Variants in CNGB1 observed in about 807,000 individuals in gnomAD.
CNGB1 encodes cyclic nucleotide-gated channel beta-1.
Under a neutral mutation model 151.7 loss-of-function variants are expected in CNGB1, and 126 were observed. That is an observed-to-expected ratio of 0.83 (90% confidence interval 0.72 to 0.96). The LOEUF is 0.96. CNGB1 is among the 40% of genes least tolerant of loss of function. The pLI, the probability that CNGB1 is intolerant of heterozygous loss-of-function variation, is 0.00. For synonymous variants in CNGB1, 623 were observed against 635.1 expected (o/e 0.98, Z 0.29); for missense variants, 1,698 against 1,627.0 (o/e 1.04, Z -0.75).
chr16:57,934,699 G>GT (rs1264881169), intron 16 of CNGB1, among the ~76,000 whole-genome samples: 1 of 152,044 alleles, frequency 6.6e-6, no homozygotes, highest in East Asian at 1.9e-4. Context: ...GCTCACGCCT[G>GT]TAATTCCAGC....
intron 32 of CNGB1, among the ~76,000 whole-genome samples, chr16:57,885,446 C>CCCACCCTCCCCTGT (rs1959890026): frequency 6.6e-6 from 1 of 151,594 alleles, no homozygotes; most frequent in South Asian, 2.1e-4. Flanking sequence ...GTGCCCCTGT[C>CCCACCCTCCCCTGT]CCACCCTCCC....
In CNGB1 at chr16:57,903,870, G is replaced by A. The variant is rs764194863; in HGVS notation, c.2746C>T (p.Arg916Cys). The A allele has an allele frequency of 1.9e-5, 30 of 1,614,156 alleles. No individual in the cohort carries two copies. Among genetic ancestry groups the A allele is most frequent in the South Asian group, 2.2e-5 (2 of 91,086 alleles). Residue 916 changes from arginine (R) to cysteine (C), a missense_variant, in exon 27 of 33, where the codon CGC becomes TGC. Physicochemically the swap from Arg to Cys is radical, Grantham distance 180. Coordinates refer to ENST00000251102, the MANE Select transcript of CNGB1 (RefSeq NM_001297.5). Reference protein sequence around the residue: ...FYKIPKSVQNRVKTWYEYTWH... With the variant: ...FYKIPKSVQNCVKTWYEYTWH... ...GTGTACTCGTACCAGGTCTTGACGC[G>A]GTTCTGCACGGACTTGGGGATCTTG...
At chr16:57,947,204 G>A (rs577063414) in intron 14 of CNGB1, among the ~76,000 whole-genome samples, 3 of 152,356 alleles carry the variant, frequency 2.0e-5, no homozygotes, top group East Asian at 3.8e-4. Context: ...GAGAACATGT[G>A]TATAGTTAGT....
intron 16 of CNGB1, among the ~76,000 whole-genome samples, chr16:57,934,150 G>GA (rs1489883703): frequency 2.0e-5 from 3 of 151,564 alleles, no homozygotes; most frequent in African/African-American, 7.3e-5. Context: ...CAGGAATGGA[G>GA]AAGTTGTTAA....
chr16:57,954,856 C>T (rs1962043994), intron 12 of CNGB1: 2 of 1,000,414 alleles, frequency 2.0e-6, no homozygotes, highest in Non-Finnish European at 2.4e-6. Flanking sequence ...GTGCACGCGT[C>T]CTCTCAAAGA....
chr16:57,917,230 GC>G, intron 21 of CNGB1, 37 bp downstream of exon 21: 1 of 1,571,792 alleles, frequency 6.4e-7, no homozygotes, highest in South Asian at 1.1e-5. Context: ...TGAGCGGTCT[GC>G]CCCCGGTCAC....
Position 57,957,218 on chromosome 16 carries a change from TG to T in CNGB1, c.874+122del, listed in dbSNP as rs1306255890. On this transcript the variant is annotated intron_variant, in intron 12 of 32. Transcript: ENST00000251102. ...CAGCTCCAGCCCAGGAGACCCTAAC[TG>T]CCCCCCTGTGTGAGTCCAGGTCTGG... The T allele has an allele frequency of 3.1e-3, 2,463 of 797,352 alleles. 43 individuals carry two copies. In the African/African-American group the frequency reaches 0.071, roughly 23 times the overall value. The allele number at this position is 797,352 out of a possible 1,614,324, so 49.4% of individuals were successfully genotyped here.
In CNGB1 at chr16:57,885,543, TTCTTTCCTTCCTTC is replaced by T. The variant is rs1457469917; in HGVS notation, c.3463-1100_3463-1087del. ...CTTCCTTTTTTCCTTCCTTCCTTCC[TTCTTTCCTTCCTTC>T]CTCTCTCTCTCTCTCTCTCTCTTTC... is the stretch of plus-strand genomic sequence containing the variant. On this transcript the variant is annotated intron_variant, in intron 32 of 32. Coordinates refer to ENST00000251102, the MANE Select transcript of CNGB1 (RefSeq NM_001297.5). Among the ~76,000 whole-genome samples the T allele has an allele frequency of 1.9e-3, 274 of 143,582 alleles. 1 individual carries two copies. The highest frequency in any genetic ancestry group is 6.3e-3 in the African/African-American group (245 of 38,844). The allele number at this position is 143,582 out of a possible 152,430, so 94.2% of individuals were successfully genotyped here.
At chr16:57,928,108 C>G (rs1179118939) in intron 17 of CNGB1, among the ~76,000 whole-genome samples, 3 of 152,236 alleles carry the variant, frequency 2.0e-5, no homozygotes, top group African/African-American at 7.2e-5. Flanking sequence ...TTACAGACAG[C>G]CTCCCTTAGC....
intron 7 of CNGB1, among the ~76,000 whole-genome samples, 158 bp from the exon 8 acceptor site, chr16:57,961,073 C>T (rs570188348): frequency 4.6e-5 from 7 of 152,220 alleles, no homozygotes; most frequent in African/African-American, 1.2e-4. Flanking sequence ...GGGCCCCAAG[C>T]GGGTGGGGAA....
intron 12 of CNGB1, among the ~76,000 whole-genome samples, chr16:57,953,734 C>G (rs1028380918): frequency 3.9e-5 from 6 of 152,124 alleles, no homozygotes; most frequent in African/African-American, 1.4e-4. Flanking sequence ...TCCTACCTGG[C>G]CCCAAAGCAC....
At chr16:57,906,361 C>T (rs1018906724) in intron 25 of CNGB1, among the ~76,000 whole-genome samples, 2 of 152,252 alleles carry the variant, frequency 1.3e-5, no homozygotes, top group Non-Finnish European at 2.9e-5. Context: ...TTCACAGCCA[C>T]TGTTGCCTGC....
chr16:57,916,107 A>G (rs1286532220), intron 22 of CNGB1, 22 bp downstream of exon 22: 1 of 1,613,454 alleles, frequency 6.2e-7, no homozygotes, highest in South Asian at 1.1e-5. Context: ...CAGACGCTAA[A>G]CCTTGCATGC....
Position 57,960,497 on chromosome 16 carries a change from C to A in CNGB1, c.568G>T (p.Ala190Ser). 6.2e-7 allele frequency: 1 copy of A among 1,613,732 alleles called. No individual in the cohort carries two copies. Among genetic ancestry groups the A allele is most frequent in the Non-Finnish European group, 8.5e-7 (1 of 1,179,858 alleles). ...WRDEPAVATG[A>S]ASDPAPPGRP... ...CTCCCTGTACCTGGGTCTGAGGCAG[C>A]ACCTGTAGCAACTGCAGGCTCATCT... Residue 190 changes from alanine (A) to serine (S), a missense_variant, in exon 9 of 33, where the codon GCT becomes TCT. Transcript: ENST00000251102.
intron 7 of CNGB1, among the ~76,000 whole-genome samples, chr16:57,961,514 G>T (rs1415732130): frequency 2.0e-5 from 3 of 152,098 alleles, no homozygotes; most frequent in Non-Finnish European, 4.4e-5. Context: ...CCAAAAGAAG[G>T]CTGGTGAGTC....
intron 13 of CNGB1, among the ~76,000 whole-genome samples, chr16:57,949,798 T>C (rs904623807): frequency 6.6e-6 from 1 of 152,224 alleles, no homozygotes; most frequent in South Asian, 2.1e-4. Flanking sequence ...GCGACATCCC[T>C]GTGGAAGGCG....
chr16:57,911,763 C>T lies in CNGB1; in HGVS notation c.2482G>A (p.Val828Met), dbSNP rs763293997. Residue 828 changes from valine to methionine, a missense_variant, in exon 25 of 33, where the codon GTG (valine) becomes ATG (methionine). Physicochemically the swap from Val to Met is conservative, Grantham distance 21. Transcript: ENST00000251102. ...LGSTHWVYDGVGNSYIRCYYF... is the reference protein window; with the variant it reads ...LGSTHWVYDGMGNSYIRCYYF... Reference sequence around the variant, plus strand: ...AGGACTGTGGCTCACCTGTTTCCCACGCCATCGTAAACCCAGTGAGTGGAG... The same window carrying T: ...AGGACTGTGGCTCACCTGTTTCCCATGCCATCGTAAACCCAGTGAGTGGAG... The T allele has an allele frequency of 9.3e-6, 15 of 1,613,986 alleles. No homozygotes were observed. Among genetic ancestry groups the T allele is most frequent in the Middle Eastern group, 1.7e-4 (1 of 6,058 alleles).
At position 57,904,841 on chromosome 16, in the gene CNGB1, G is replaced by C. The variant is rs769683445; in HGVS notation, c.2527C>G (p.Leu843Val). 29 of 1,614,044 alleles carry C rather than the reference G, an allele frequency of 1.8e-5. No individual in the cohort carries two copies. Among genetic ancestry groups the C allele is most frequent in the Non-Finnish European group, 2.4e-5 (28 of 1,180,032 alleles). ...IRCYYFAVKT[L>V]ITIGGLPDPK... The stretch of plus-strand genomic sequence containing the variant: ...TCAGGCAGCCCCCCGATGGTGATGA[G>C]GGTCTTCACAGCAAAGTAGTAACAG... The change falls in exon 26 of 33, where the codon CTC (leucine) becomes GTC (valine). Residue 843 changes from leucine (L) to valine (V), a missense_variant. Transcript: ENST00000251102.
chr16:57,943,540 C>T (rs564598463), intron 14 of CNGB1, among the ~76,000 whole-genome samples: 1 of 152,238 alleles, frequency 6.6e-6, no homozygotes, highest in East Asian at 1.9e-4. Context: ...CATGGCAGCA[C>T]ACTTCTGTAA....
Sources: gnomAD v4.1 joint callset for allele counts (sites outside exome capture counted in the v4.1 genomes callset) on GRCh38, gnomAD v4.1.1 for gene constraint, MANE v1.5 for transcripts, NCBI Gene and HGNC (gene_info 2026-07-23, HGNC 2026-07-21) for gene names.